LDAH: variants seen among roughly 807,000 people sequenced by gnomAD.
The protein encoded by LDAH is lipid droplet-associated hydrolase.
In LDAH, 26 loss-of-function variants were observed where a neutral mutation model predicts 29.6. The ratio of observed to expected loss-of-function variants is 0.88; its 90% CI spans 0.64 to 1.22. LDAH has a LOEUF of 1.22. Ranked by LOEUF, LDAH falls within the 50% of genes most tolerant of loss-of-function variation. The pLI, the probability that LDAH is intolerant of heterozygous loss-of-function variation, is 0.00. For synonymous variants in LDAH, 117 were observed against 133.0 expected (o/e 0.88, Z 0.83); for missense variants, 344 against 387.3 (o/e 0.89, Z 0.94).
At chr2:20,735,453 T>C (rs1301767843) in intron 5 of LDAH, among the ~76,000 whole-genome samples, 1 of 152,196 alleles carries the variant, frequency 6.6e-6, no homozygotes, top group African/African-American at 2.4e-5. Flanking sequence ...CCACTCAGTT[T>C]TTTTTTAATC....
At chr2:20,756,062 C>T (rs1038728203) in intron 4 of LDAH, among the ~76,000 whole-genome samples, 4 of 151,742 alleles carry the variant, frequency 2.6e-5, no homozygotes, top group Middle Eastern at 3.4e-3. Flanking sequence ...GACGGAGTCT[C>T]ACTCTGTCAC....
chr2:20,720,451 C>T (rs554483392), intron 5 of LDAH, among the ~76,000 whole-genome samples: 38 of 152,040 alleles, frequency 2.5e-4, no homozygotes, highest in Middle Eastern at 3.4e-3. Flanking sequence ...CTATAAAACA[C>T]TGATGAAAGA....
At chr2:20,817,713 A>G (rs1485779516) in intron 1 of LDAH, among the ~76,000 whole-genome samples, 1 of 152,180 alleles carries the variant, frequency 6.6e-6, no homozygotes, top group Non-Finnish European at 1.5e-5. Context: ...ATCTTCAGAC[A>G]AAAGTTCATA....
chr2:20,746,088 G>C (rs1258408802), intron 4 of LDAH, among the ~76,000 whole-genome samples: 1 of 152,320 alleles, frequency 6.6e-6, no homozygotes, highest in East Asian at 1.9e-4. Flanking sequence ...AGTACTTGAA[G>C]AAGAGAGCAG....
intron 3 of LDAH, among the ~76,000 whole-genome samples, chr2:20,785,654 T>C (rs11679386): frequency 0.084 from 12,832 of 152,294 alleles, 767 homozygotes; most frequent in Non-Finnish European, 0.13. Context: ...ATTATGCATA[T>C]GTTACACCTT....
intron 3 of LDAH, among the ~76,000 whole-genome samples, chr2:20,789,946 C>G (rs1196985604): frequency 6.6e-6 from 1 of 152,174 alleles, no homozygotes; most frequent in Non-Finnish European, 1.5e-5. Context: ...TTGGGGACTG[C>G]TTTTTCCCCA....
At chr2:20,793,216 A>G (rs1671088474) in intron 2 of LDAH, among the ~76,000 whole-genome samples, 1 of 152,158 alleles carries the variant, frequency 6.6e-6, no homozygotes, top group Non-Finnish European at 1.5e-5. Context: ...AGGTGAGATA[A>G]AGAGTGTGAG....
At chr2:20,784,483 T>C (rs146017246) in intron 3 of LDAH, among the ~76,000 whole-genome samples, 110 of 152,348 alleles carry the variant, frequency 7.2e-4, no homozygotes, top group Non-Finnish European at 1.2e-3. Flanking sequence ...TTCTTTGTTA[T>C]ACTTGTTCTT....
At chr2:20,710,673 C>CAT (rs1205280824) in intron 5 of LDAH, among the ~76,000 whole-genome samples, 1 of 136,442 alleles carries the variant, frequency 7.3e-6, no homozygotes, top group Non-Finnish European at 1.6e-5. Flanking sequence ...ATATATTATA[C>CAT]ATATATATAC....
rs1034643128 is a variant in LDAH, at chr2:20,735,223, T to C, written c.703+4748A>G. Among the ~76,000 whole-genome samples, 14 of 152,300 alleles carry C rather than the reference T, an allele frequency of 9.2e-5. 1 individual carries two copies. The South Asian group carries it at 2.9e-3, about 32-fold the overall frequency. On this transcript the variant is annotated intron_variant, in intron 5 of 6. Transcript: ENST00000237822. ...TCTTTGAACACTTTTCCAGACCTAC[T>C]CTCTATTTCTAGGACTAGTGTTATC...
At chr2:20,715,927 GAC>G (rs1379872008) in intron 5 of LDAH, among the ~76,000 whole-genome samples, 3 of 152,116 alleles carry the variant, frequency 2.0e-5, no homozygotes, top group African/African-American at 7.2e-5. Flanking sequence ...GATATGAACA[GAC>G]ACTTCTCAAA....
chr2:20,695,342 A>T (rs1663360739), intron 6 of LDAH, among the ~76,000 whole-genome samples: 1 of 152,270 alleles, frequency 6.6e-6, no homozygotes, highest in Non-Finnish European at 1.5e-5. Flanking sequence ...GAAGAGGAAC[A>T]GTTAGGCAAA....
rs1375542821 is a variant in LDAH, at chr2:20,687,064, A to C, written c.817T>G (p.Trp273Gly). Residue 273 changes from tryptophan (W) to glycine (G), a missense_variant, in exon 7 of 7, where the codon TGG (tryptophan) becomes GGG (glycine). Physicochemically the swap from Trp to Gly is radical, Grantham distance 184. Coordinates refer to ENST00000237822, the MANE Select transcript of LDAH (RefSeq NM_021925.4). ...LTFYYGTIDP[W>G]CPKEYYEDIK... ...TCTTCATAGTACTCTTTTGGACACC[A>C]AGGATCTATAGTACCATAATAAAAT... is the stretch of plus-strand genomic sequence containing the variant. 1 of 1,613,504 alleles carries C rather than the reference A, an allele frequency of 6.2e-7. No homozygotes were observed. The highest frequency in any genetic ancestry group is 8.5e-7 in the Non-Finnish European group (1 of 1,179,790).
intron 1 of LDAH, among the ~76,000 whole-genome samples, chr2:20,816,710 C>A (rs568407394): frequency 1.1e-4 from 16 of 151,996 alleles, no homozygotes; most frequent in Admixed American, 1.0e-3. Context: ...CAGAACACCA[C>A]CATCAATGAA....
intron 3 of LDAH, among the ~76,000 whole-genome samples, chr2:20,788,070 C>G (rs576119635): frequency 6.6e-6 from 1 of 152,044 alleles, no homozygotes; most frequent in African/African-American, 2.4e-5. Flanking sequence ...TACAGGACAC[C>G]GATTTTTTAT....
chr2:20,780,784 GT>G (rs923708266), intron 3 of LDAH, among the ~76,000 whole-genome samples: 2 of 152,190 alleles, frequency 1.3e-5, no homozygotes, highest in African/African-American at 4.8e-5. Context: ...CTGCACTTTG[GT>G]TTTTTGCTCT....
At chr2:20,687,395 CTG>C (rs1266123101) in intron 6 of LDAH, among the ~76,000 whole-genome samples, 2 of 152,180 alleles carry the variant, frequency 1.3e-5, no homozygotes, top group Non-Finnish European at 2.9e-5. Context: ...GGGATGGACA[CTG>C]GAATGAAGGC....
intron 4 of LDAH, among the ~76,000 whole-genome samples, chr2:20,742,544 C>A (rs143880513): frequency 1.3e-5 from 2 of 152,170 alleles, no homozygotes; most frequent in Admixed American, 1.3e-4. Context: ...TTTATCATTA[C>A]GTAATTACCT....
intron 4 of LDAH, among the ~76,000 whole-genome samples, chr2:20,742,520 G>A (rs1460984842): frequency 6.6e-6 from 1 of 152,104 alleles, no homozygotes; most frequent in African/African-American, 2.4e-5. Flanking sequence ...ATGTCTTCTT[G>A]GAGGACTGAC....
Sources: allele counts gnomAD v4.1 joint callset (sites outside exome capture counted in the v4.1 genomes callset), GRCh38; gene constraint gnomAD v4.1.1; transcripts MANE v1.5; gene names NCBI Gene and HGNC (gene_info 2026-07-23, HGNC 2026-07-21).